Variants in RELCH observed in about 807,000 individuals in gnomAD.
RELCH encodes RAB11 binding and LisH domain, coiled-coil and HEAT repeat containing.
Under a neutral mutation model 150.3 loss-of-function variants are expected in RELCH, and 41 were observed. That is an observed-to-expected ratio of 0.27 (90% CI 0.21 to 0.35). RELCH has a LOEUF of 0.35. RELCH is among the 10% of genes least tolerant of loss of function. The probability of loss-of-function intolerance (pLI) is 1.00; values close to 1 mark genes in which losing one functional copy is unlikely to be tolerated. For synonymous variants in RELCH, 478 were observed against 531.8 expected (o/e 0.90, Z 1.39); for missense variants, 1,092 against 1,467.8 (o/e 0.74, Z 4.18).
intron 19 of RELCH, 93 bp downstream of exon 19, chr18:62,266,842 A>C: frequency 1.4e-6 from 1 of 717,028 alleles, no homozygotes; most frequent in Non-Finnish European, 2.3e-6. Context: ...GTATAAATGA[A>C]CTAGCAACTA....
At chr18:62,205,860 A>G (rs756662080) in intron 1 of RELCH, among the ~76,000 whole-genome samples, 11 of 149,960 alleles carry the variant, frequency 7.3e-5, no homozygotes, top group Non-Finnish European at 7.4e-5. Flanking sequence ...CCCTGTCTCC[A>G]TAATTTTTTT....
chr18:62,278,093 T>C (rs2044312642), intron 22 of RELCH: 1 of 152,554 alleles, frequency 6.6e-6, no homozygotes, highest in Non-Finnish European at 1.5e-5. Flanking sequence ...TGTATAACAA[T>C]TGATAGCTCT....
rs182482632 is a variant in RELCH, at chr18:62,224,896, G to T, written c.859-2393G>T. The stretch of plus-strand genomic sequence containing the variant: ...TTTTTTCTAAAATTCATATGAAAAG[G>T]AAACAGCCAAAACAACTTTAATAAA... On this transcript the variant is annotated intron_variant, in intron 5 of 28. Coordinates refer to ENST00000644646, the MANE Select transcript of RELCH (RefSeq NM_001346231.2). Among the ~76,000 whole-genome samples, 14 of 152,032 alleles carry T rather than the reference G, an allele frequency of 9.2e-5. No homozygotes were observed. In the East Asian group the frequency reaches 2.7e-3, roughly 29 times the overall value.
intron 28 of RELCH, among the ~76,000 whole-genome samples, chr18:62,301,621 T>C (rs147297163): frequency 6.6e-6 from 1 of 152,334 alleles, no homozygotes; most frequent in East Asian, 1.9e-4. Context: ...CCCAGAGTTT[T>C]TGATTCAGAA....
chr18:62,219,041 G>A (rs1222557681), intron 2 of RELCH, among the ~76,000 whole-genome samples: 3 of 151,850 alleles, frequency 2.0e-5, no homozygotes, highest in South Asian at 2.1e-4. Flanking sequence ...TCAAACATAC[G>A]CCTTTGTCTT....
chr18:62,219,606 G>A (rs757495964), intron 2 of RELCH, among the ~76,000 whole-genome samples: 8 of 151,540 alleles, frequency 5.3e-5, no homozygotes, highest in East Asian at 1.9e-4. Context: ...AAGAGTTTCC[G>A]GAAGTGTAAA....
At chr18:62,232,944 G>A (rs1269109871) in intron 10 of RELCH, among the ~76,000 whole-genome samples, 1 of 151,970 alleles carries the variant, frequency 6.6e-6, no homozygotes, top group African/African-American at 2.4e-5. Context: ...TAATAGGATA[G>A]TTGTAATATT....
At chr18:62,275,176 A>G (rs1282259719) in intron 21 of RELCH, among the ~76,000 whole-genome samples, 198 bp from the exon 22 acceptor site, 2 of 152,162 alleles carry the variant, frequency 1.3e-5, no homozygotes, top group Non-Finnish European at 2.9e-5. Flanking sequence ...TATCCTCTCA[A>G]AGTGCTGGGA....
intron 18 of RELCH, 28 bp from the exon 19 acceptor site, chr18:62,266,671 CTT>C: frequency 6.5e-7 from 1 of 1,534,926 alleles, no homozygotes; most frequent in Non-Finnish European, 9.0e-7. Context: ...GAACCTGAGA[CTT>C]TTTGAATCTT....
chr18:62,229,520 G>GTA (rs1491500558), intron 8 of RELCH, among the ~76,000 whole-genome samples: 1 of 142,298 alleles, frequency 7.0e-6, no homozygotes, highest in Non-Finnish European at 1.5e-5. Flanking sequence ...GTGTGTGTGT[G>GTA]TCTGTCTGTC....
chr18:62,245,481 C>G (rs1200465521), intron 11 of RELCH, among the ~76,000 whole-genome samples: 1 of 152,008 alleles, frequency 6.6e-6, no homozygotes, highest in South Asian at 2.1e-4. Flanking sequence ...AAAAAATCAG[C>G]TGGGCGTGGT....
Position 62,280,302 on chromosome 18 carries a change from C to T in RELCH, c.3051-344C>T. 4.2e-6 allele frequency: 6 copies of T among 1,417,810 alleles called. No individual in the cohort carries two copies. In the South Asian group the frequency reaches 6.9e-5, roughly 16 times the overall value. 87.8% of individuals were successfully genotyped at this position (1,417,810 alleles called of 1,614,324 possible). On this transcript the variant is annotated intron_variant, in intron 23 of 28. Coordinates refer to ENST00000644646, the MANE Select transcript of RELCH (RefSeq NM_001346231.2). The stretch of plus-strand genomic sequence containing the variant: ...CCTGCCCATCCTCAGTCACAGCTAA[C>T]CCAGTTCTTATTCCAGTTTACCAAA...
At position 62,306,668 on chromosome 18, in the gene RELCH, C is replaced by T. The variant is rs1167202349; in HGVS notation, c.*1134C>T. 3 of 152,604 alleles carry T rather than the reference C, an allele frequency of 2.0e-5. No homozygotes were observed. Among genetic ancestry groups the T allele is most frequent in the Non-Finnish European group, 4.4e-5 (3 of 68,030 alleles). 9.5% of individuals were successfully genotyped at this position (152,604 alleles called of 1,614,324 possible). On this transcript the variant is annotated 3_prime_UTR_variant, in exon 29 of 29. Transcript: ENST00000644646. ...AGTGTACAGTTCCACTGGAATTTGACAGTTGTCTCTACAGTCATGCAACTC... is the reference window on the plus strand; with the variant it reads ...AGTGTACAGTTCCACTGGAATTTGATAGTTGTCTCTACAGTCATGCAACTC...
chr18:62,242,091 G>A (rs941963980), intron 10 of RELCH, among the ~76,000 whole-genome samples: 9 of 152,114 alleles, frequency 5.9e-5, no homozygotes, highest in African/African-American at 2.2e-4. Context: ...GTTGCTGTAA[G>A]AGGAAGAAGC....
chr18:62,243,315 A>G (rs1253462466), intron 10 of RELCH, among the ~76,000 whole-genome samples: 2 of 152,144 alleles, frequency 1.3e-5, no homozygotes. Context: ...CTACAGAATC[A>G]GGACTAATCC....
At chr18:62,261,986 A>G (rs988530951) in intron 16 of RELCH, among the ~76,000 whole-genome samples, 2 of 152,038 alleles carry the variant, frequency 1.3e-5, no homozygotes, top group African/African-American at 4.8e-5. Context: ...AGATTCTTTT[A>G]ATAGTTACTA....
chr18:62,297,211 A>C (rs926023914), intron 27 of RELCH, among the ~76,000 whole-genome samples: 71 of 152,208 alleles, frequency 4.7e-4, no homozygotes, highest in African/African-American at 1.6e-3. Flanking sequence ...ATGATGGGAC[A>C]CCTCATTACC....
intron 2 of RELCH, among the ~76,000 whole-genome samples, chr18:62,216,077 C>A (rs1172906376): frequency 6.6e-6 from 1 of 151,952 alleles, no homozygotes; most frequent in African/African-American, 2.4e-5. Flanking sequence ...AACTACTGTA[C>A]TTAGTGCATA....
intron 10 of RELCH, 94 bp downstream of exon 10, chr18:62,232,521 A>G (rs1178321126): frequency 4.1e-6 from 3 of 735,100 alleles, no homozygotes; most frequent in East Asian, 2.6e-5. Context: ...TTATTTTGTT[A>G]AAGTCTATTA....
Sources: allele counts gnomAD v4.1 joint callset (sites outside exome capture counted in the v4.1 genomes callset), GRCh38; gene constraint gnomAD v4.1.1; transcripts MANE v1.5; gene names NCBI Gene and HGNC (gene_info 2026-07-23, HGNC 2026-07-21).